Variants in CREBL2 observed in about 807,000 individuals in gnomAD.
CREBL2 encodes cAMP responsive element binding protein like 2.
Under a neutral mutation model 19.5 loss-of-function variants are expected in CREBL2, and 4 were observed. The observed-to-expected ratio is 0.20, with a 90% CI of 0.10 to 0.47. The LOEUF is 0.47. CREBL2 is among the 20% of genes least tolerant of loss of function. The pLI is 0.98. For synonymous variants in CREBL2, 42 were observed against 46.6 expected (o/e 0.90, Z 0.40); for missense variants, 85 against 145.1 (o/e 0.59, Z 2.13).
chr12:12,627,205 TTCA>T (rs910104571), intron 1 of CREBL2, among the ~76,000 whole-genome samples: 9 of 152,172 alleles, frequency 5.9e-5, no homozygotes, highest in Admixed American at 3.9e-4. Context: ...TCAATGTTAG[TTCA>T]TCAATTATAA....
chr12:12,631,129 CAT>C (rs1945439426), intron 1 of CREBL2, among the ~76,000 whole-genome samples: 1 of 152,174 alleles, frequency 6.6e-6, no homozygotes, highest in African/African-American at 2.4e-5. Context: ...ACACTTTTGA[CAT>C]ATAATGAAGA....
chr12:12,613,057 G>A (rs1945280430), intron 1 of CREBL2, among the ~76,000 whole-genome samples: 1 of 152,142 alleles, frequency 6.6e-6, no homozygotes, highest in Non-Finnish European at 1.5e-5. Context: ...TTTTGGTAGA[G>A]ATGGGGTTTC....
At chr12:12,635,088 C>T (rs1419512421) in intron 1 of CREBL2, among the ~76,000 whole-genome samples, 1 of 151,762 alleles carries the variant, frequency 6.6e-6, no homozygotes, top group South Asian at 2.1e-4. Context: ...AAAAGTGGGG[C>T]CTGGCACCAT....
intron 1 of CREBL2, among the ~76,000 whole-genome samples, chr12:12,620,167 A>G (rs1289701273): frequency 6.6e-6 from 1 of 152,190 alleles, no homozygotes; most frequent in Non-Finnish European, 1.5e-5. Context: ...GACCAAGACA[A>G]AAGAGCCATG....
chr12:12,620,138 A>C (rs1945348776), intron 1 of CREBL2, among the ~76,000 whole-genome samples: 1 of 152,076 alleles, frequency 6.6e-6, no homozygotes. Context: ...CCTCTTACTC[A>C]CATCAACACT....
intron 1 of CREBL2, chr12:12,632,650 T>C (rs1353604418): frequency 6.6e-6 from 1 of 152,108 alleles, no homozygotes; most frequent in Non-Finnish European, 1.5e-5. Flanking sequence ...AGAATAGATG[T>C]CATTATCCAT....
At chr12:12,630,715 C>T (rs1397666022) in intron 1 of CREBL2, among the ~76,000 whole-genome samples, 1 of 152,102 alleles carries the variant, frequency 6.6e-6, no homozygotes, top group Non-Finnish European at 1.5e-5. Flanking sequence ...CACCTTTCTT[C>T]TTTAAAACAA....
At chr12:12,636,092 T>A in intron 2 of CREBL2, 118 bp downstream of exon 2, 1 of 988,050 alleles carries the variant, frequency 1.0e-6, no homozygotes, top group Non-Finnish European at 1.5e-6. Context: ...GAGAGAATAT[T>A]AATCTGTTAG....
At chr12:12,638,549 A>G (rs1246158496) in intron 3 of CREBL2, among the ~76,000 whole-genome samples, 1 of 152,182 alleles carries the variant, frequency 6.6e-6, no homozygotes, top group African/African-American at 2.4e-5. Flanking sequence ...TAATAGACTT[A>G]GTCCATAAAT....
chr12:12,625,625 A>C (rs1005573932), intron 1 of CREBL2, among the ~76,000 whole-genome samples: 38 of 152,164 alleles, frequency 2.5e-4, no homozygotes, highest in Non-Finnish European at 4.4e-5. Flanking sequence ...CATGATACAA[A>C]TCTAGGGACT....
intron 3 of CREBL2, among the ~76,000 whole-genome samples, chr12:12,639,810 C>T (rs150683539): frequency 5.7e-4 from 87 of 152,216 alleles, no homozygotes; most frequent in Middle Eastern, 3.4e-3. Context: ...TCGGTAGGAC[C>T]GTGATGCCCG....
At chr12:12,637,299 C>T (rs1945482277) in intron 2 of CREBL2, among the ~76,000 whole-genome samples, 1 of 151,932 alleles carries the variant, frequency 6.6e-6, no homozygotes, top group South Asian at 2.1e-4. Flanking sequence ...ACCACAGGGG[C>T]CTTTTAAATC....
intron 3 of CREBL2, among the ~76,000 whole-genome samples, chr12:12,640,225 C>T (rs1000199362): frequency 2.6e-5 from 4 of 152,194 alleles, no homozygotes; most frequent in African/African-American, 9.7e-5. Context: ...CAGTCCTTAT[C>T]TCAACTGCAC....
At chr12:12,612,780 C>T (rs1277704231) in intron 1 of CREBL2, among the ~76,000 whole-genome samples, 2 of 152,222 alleles carry the variant, frequency 1.3e-5, no homozygotes, top group South Asian at 4.1e-4. Flanking sequence ...CATCCAATTT[C>T]CCTGTCCAAA....
At chr12:12,612,220 T>C (rs1283791881) in intron 1 of CREBL2, 33 bp downstream of exon 1, 1 of 1,613,242 alleles carries the variant, frequency 6.2e-7, no homozygotes, top group Admixed American at 1.7e-5. Flanking sequence ...GCCGCCGCCT[T>C]CTTGTCGCTC....
chr12:12,632,907 A>G (rs923322332), intron 1 of CREBL2, among the ~76,000 whole-genome samples: 14 of 150,344 alleles, frequency 9.3e-5, no homozygotes, highest in African/African-American at 3.1e-4. Context: ...ATATATATAT[A>G]TAAATTTTTT....
intron 1 of CREBL2, among the ~76,000 whole-genome samples, chr12:12,618,590 G>A (rs1485999941): frequency 6.6e-6 from 1 of 152,200 alleles, no homozygotes; most frequent in Non-Finnish European, 1.5e-5. Flanking sequence ...CAGACGATGG[G>A]CAGCCAGGCA....
chr12:12,622,938 A>G (rs191824199), intron 1 of CREBL2, among the ~76,000 whole-genome samples: 3 of 152,304 alleles, frequency 2.0e-5, no homozygotes, highest in Admixed American at 6.5e-5. Flanking sequence ...CTTCATCTAA[A>G]TACAGTAGTT....
At chr12:12,638,436 C>CA (rs1387501049) in intron 3 of CREBL2, among the ~76,000 whole-genome samples, 3 of 146,320 alleles carry the variant, frequency 2.1e-5, no homozygotes, top group South Asian at 2.2e-4. Flanking sequence ...GACCTCGTCT[C>CA]AAAAAAAAAG....
Sources: gnomAD v4.1 joint callset for allele counts (sites outside exome capture counted in the v4.1 genomes callset) on GRCh38, gnomAD v4.1.1 for gene constraint, MANE v1.5 for transcripts, NCBI Gene and HGNC (gene_info 2026-07-23, HGNC 2026-07-21) for gene names.